The following GRAMD1B variants were observed in gnomAD, a reference collection of about 807,000 sequenced individuals.
The protein encoded by GRAMD1B is GRAM domain containing 1B, also known as protein Aster-B.
In GRAMD1B, 37 loss-of-function variants were observed where a neutral mutation model predicts 99.7. The ratio of observed to expected loss-of-function variants is 0.37; its 90% confidence interval spans 0.29 to 0.49. GRAMD1B has a LOEUF of 0.49. Ranked by LOEUF, GRAMD1B falls within the 20% of genes least tolerant of loss-of-function variation. The pLI, the probability that GRAMD1B is intolerant of heterozygous loss-of-function variation, is 0.98. For synonymous variants in GRAMD1B, 427 were observed against 387.6 expected, an observed-to-expected ratio of 1.10 and a Z score of -1.19; for missense variants, 888 against 1,009.2, an observed-to-expected ratio of 0.88 and a Z score of 1.63.
In GRAMD1B at chr11:123,610,250, C is replaced by G; in HGVS notation, c.1831C>G (p.Leu611Val). The change falls in exon 14 of 20, where the codon CTC (leucine) becomes GTC (valine). Residue 611 changes from leucine to valine, a missense_variant. Transcript: ENST00000635736. This position sits in a 1 kb window ranked among gnomAD's most constrained non-coding sequence, Gnocchi z 4.1. ...ATGTTACGTGATAGATGCCGAAGTC[C>G]TCACCCACGACGTGCCCTACCATGA... Reference protein sequence around the residue: ...SECYVIDAEVLTHDVPYHDYF... With the variant: ...SECYVIDAEVVTHDVPYHDYF... 1 of 1,613,648 alleles carries G rather than the reference C, an allele frequency of 6.2e-7. No homozygotes were observed. The highest frequency in any genetic ancestry group is 2.2e-5 in the East Asian group (1 of 44,872).
chr11:123,387,690 G>A (rs1413187396), intron 1 of GRAMD1B, among the ~76,000 whole-genome samples: 1 of 152,078 alleles, frequency 6.6e-6, no homozygotes, highest in Non-Finnish European at 1.5e-5. Context: ...TGTGCATAGA[G>A]ACAAGCATCA....
chr11:123,598,353 C>G lies in GRAMD1B; in HGVS notation c.970-2115C>G. 3 of 1,132,294 alleles carry G rather than the reference C, an allele frequency of 2.6e-6. No individual in the cohort carries two copies. In the East Asian group the frequency reaches 7.0e-5, roughly 27 times the overall value. The allele number at this position is 1,132,294 out of a possible 1,614,324, so 70.1% of individuals were successfully genotyped here. ...CTCGTTCTCTTCATCTTCACTCTAA[C>G]TCTCACTGATTTGCTCTTTTTCGTC... On this transcript the variant is annotated intron_variant, in intron 7 of 19. Coordinates refer to ENST00000635736, the MANE Select transcript of GRAMD1B (RefSeq NM_001387025.1).
At chr11:123,620,305 C>T (rs552979159) in intron 19 of GRAMD1B, among the ~76,000 whole-genome samples, 1 of 152,044 alleles carries the variant, frequency 6.6e-6, no homozygotes, top group East Asian at 1.9e-4. Flanking sequence ...GAAACCCTGT[C>T]TCTACTCAAA....
chr11:123,470,779 G>A (rs11219160), intron 1 of GRAMD1B, among the ~76,000 whole-genome samples: 1,611 of 152,270 alleles, frequency 0.011, 27 homozygotes, highest in African/African-American at 0.031. Context: ...AAAAGGATGG[G>A]AATGTAGAGA....
At chr11:123,622,452 G>A (rs1032734316) in intron 19 of GRAMD1B, 54 bp from the exon 20 acceptor site, 3 of 1,085,152 alleles carry the variant, frequency 2.8e-6, no homozygotes, top group Non-Finnish European at 2.8e-6. Flanking sequence ...GCTCGGTGGA[G>A]AATCCCACTA....
At chr11:123,373,680 G>A (rs1838273584) in intron 1 of GRAMD1B, among the ~76,000 whole-genome samples, 2 of 152,150 alleles carry the variant, frequency 1.3e-5, no homozygotes, top group African/African-American at 4.8e-5. Context: ...ATTTGACTAT[G>A]AACAAGAAAT....
rs1948828009 is a variant in GRAMD1B at position 123,430,609 on chromosome 11, C to A, written c.-184C>A. ...GCGCTCCGAAAAGTTAGACTCCGGG[C>A]GGCGGCGCGCTACGCCGCGTCCCCT... On this transcript the variant is annotated 5_prime_UTR_variant, in exon 1 of 20. Coordinates refer to ENST00000635736, the MANE Select transcript of GRAMD1B (RefSeq NM_001387025.1). The A allele has an allele frequency of 1.3e-5, 6 of 473,616 alleles. No homozygotes were observed. The highest frequency in any genetic ancestry group is 7.1e-5 in the East Asian group (2 of 28,350). The allele number at this position is 473,616 out of a possible 1,614,324, so 29.3% of individuals were successfully genotyped here.
chr11:123,611,910 A>G (rs1953640214), intron 14 of GRAMD1B, among the ~76,000 whole-genome samples: 1 of 152,050 alleles, frequency 6.6e-6, no homozygotes, highest in African/African-American at 2.4e-5. Flanking sequence ...ATGCAGATGA[A>G]CCTAAGGGGG....
At chr11:123,617,239 A>G (rs902449954) in intron 17 of GRAMD1B, among the ~76,000 whole-genome samples, 1 of 147,376 alleles carries the variant, frequency 6.8e-6, no homozygotes, top group Non-Finnish European at 1.5e-5. Context: ...GCTGGAATGC[A>G]GTAGCATGAT....
chr11:123,470,222 C>T (rs1176258815), intron 1 of GRAMD1B, among the ~76,000 whole-genome samples: 1 of 152,182 alleles, frequency 6.6e-6, no homozygotes, highest in East Asian at 1.9e-4. Flanking sequence ...ACCCACACCA[C>T]AGAAGACACT....
chr11:123,528,774 A>G (rs1408429449), intron 2 of GRAMD1B, among the ~76,000 whole-genome samples: 2 of 152,064 alleles, frequency 1.3e-5, no homozygotes, highest in Non-Finnish European at 2.9e-5. Context: ...ATGTTATCTC[A>G]TTTGATTCTT....
rs1555112796 is a variant in GRAMD1B at position 123,625,973 on chromosome 11, A to AGAGAGAGATCGAGATC, written c.*3391_*3392insATCGAGAGAGATCGAG. On this transcript the variant is annotated 3_prime_UTR_variant, in exon 20 of 20. Coordinates refer to ENST00000635736, the MANE Select transcript of GRAMD1B (RefSeq NM_001387025.1). ...GAGAGAGAGAGAGAGAGAGAGAGAG[A>AGAGAGAGATCGAGATC]GAGAGAGATCGAGCTTGATGTATTG... The AGAGAGAGATCGAGATC allele has an allele frequency of 1.4e-5, 2 of 139,748 alleles. No homozygotes were observed. The highest frequency in any genetic ancestry group is 2.6e-5 in the African/African-American group (1 of 38,420). 8.7% of individuals were successfully genotyped at this position (139,748 alleles called of 1,614,324 possible). A position where few individuals can be genotyped will look rare whatever the true frequency, so the allele number is the denominator to read the frequency against.
chr11:123,555,228 G>C (rs1946058814), intron 2 of GRAMD1B, among the ~76,000 whole-genome samples: 1 of 152,176 alleles, frequency 6.6e-6, no homozygotes, highest in Admixed American at 6.5e-5. Flanking sequence ...GCCTGAGTAG[G>C]AACAACGGAA....
intron 1 of GRAMD1B, among the ~76,000 whole-genome samples, chr11:123,373,081 GTGAGCCGAGATCGT>G (rs2135742769): frequency 6.6e-6 from 1 of 152,302 alleles, no homozygotes; most frequent in South Asian, 2.1e-4. Context: ...AGAGGTTGTG[GTGAGCCGAGATCGT>G]GCCACTGCAA....
Position 123,601,947 on chromosome 11 carries a change from G to A in GRAMD1B, c.1050+1399G>A, listed in dbSNP as rs188700946. The stretch of plus-strand genomic sequence containing the variant: ...AAGCCAAGCCAGGTGGCGCTGGTCA[G>A]AGAAGTCTGCAGAGAGCAAGCAAAG... On this transcript the variant is annotated intron_variant, in intron 8 of 19. Transcript: ENST00000635736. 2.0e-5 allele frequency among the ~76,000 whole-genome samples: 3 copies of A among 152,372 alleles called. No homozygotes were observed. The East Asian group carries it at 5.8e-4, about 29-fold the overall frequency.
chr11:123,572,190 G>C (rs1272786404), intron 2 of GRAMD1B, among the ~76,000 whole-genome samples: 1 of 152,204 alleles, frequency 6.6e-6, no homozygotes, highest in Non-Finnish European at 1.5e-5. Context: ...GAAGTTGAGA[G>C]CTGAATATAC....
intron 2 of GRAMD1B, among the ~76,000 whole-genome samples, chr11:123,522,840 A>G (rs1226481366): frequency 6.6e-6 from 1 of 152,198 alleles, no homozygotes; most frequent in East Asian, 1.9e-4. Flanking sequence ...GTCTTGATTT[A>G]GTCTCTTTTT....
At chr11:123,437,184 C>G (rs536102262) in intron 1 of GRAMD1B, among the ~76,000 whole-genome samples, 1 of 152,250 alleles carries the variant, frequency 6.6e-6, no homozygotes, top group South Asian at 2.1e-4. Context: ...GGCCATGTTG[C>G]CCTCTGAGCT....
At chr11:123,557,716 C>T (rs1275240164) in intron 2 of GRAMD1B, among the ~76,000 whole-genome samples, 2 of 152,196 alleles carry the variant, frequency 1.3e-5, no homozygotes, top group African/African-American at 4.8e-5. Context: ...ATAGGACTAA[C>T]ATTTGAAGTT....
Sources: allele counts gnomAD v4.1 joint callset (sites outside exome capture counted in the v4.1 genomes callset), GRCh38; gene constraint gnomAD v4.1.1; non-coding constraint Gnocchi (gnomAD v3.1); transcripts MANE v1.5; gene names NCBI Gene and HGNC (gene_info 2026-07-23, HGNC 2026-07-21).